The following PUDP variants were observed in gnomAD, a reference collection of about 807,000 sequenced individuals.
PUDP encodes the protein pseudouridine-5'-phosphatase.
PUDP carries 8 observed loss-of-function variants against 9.4 expected under a neutral mutation model. The observed-to-expected ratio is 0.85, with a 90% CI of 0.50 to 1.53. PUDP has a LOEUF of 1.53. Ranked by LOEUF, PUDP falls within the 40% of genes most tolerant of loss-of-function variation. PUDP has a pLI of 0.00. For missense variants in PUDP, 188 were observed against 189.7 expected (o/e 0.99, Z 0.05); for synonymous variants, 99 against 80.7 (o/e 1.23, Z -1.22).
chrX:6,761,635 A>G (rs1473456531), intron 3 of PUDP, among the ~76,000 whole-genome samples: 1 of 111,918 alleles, frequency 8.9e-6, no homozygotes, highest in African/African-American at 3.3e-5. Context: ...TAGATACAGA[A>G]TGTTGAAAAA....
chrX:7,111,832 C>T (rs1932059408), intron 1 of PUDP, among the ~76,000 whole-genome samples: 1 of 111,434 alleles, frequency 9.0e-6, no homozygotes, highest in South Asian at 3.7e-4. Context: ...AGAATTACCT[C>T]TGAGCATCAA....
chrX:6,718,078 G>A (rs899523480), intron 1 of PUDP, among the ~76,000 whole-genome samples: 1 of 109,458 alleles, frequency 9.1e-6, no homozygotes, highest in Non-Finnish European at 1.9e-5. Context: ...TGAGTTTCTT[G>A]TAGATTCTGG....
chrX:6,849,110 G>A (rs1413482456), intron 3 of PUDP, among the ~76,000 whole-genome samples: 1 of 111,758 alleles, frequency 8.9e-6, no homozygotes, highest in Non-Finnish European at 1.9e-5. Flanking sequence ...GAAGTATGTG[G>A]GGTGGTAGAC....
At chrX:7,074,193 G>A (rs1317421956) in intron 3 of PUDP, among the ~76,000 whole-genome samples, 1 of 112,544 alleles carries the variant, frequency 8.9e-6, no homozygotes, top group Non-Finnish European at 1.9e-5. Context: ...CAAAGTGCTG[G>A]GATTACAGGT....
chrX:6,827,457 G>A (rs1052201799), intron 3 of PUDP, among the ~76,000 whole-genome samples: 1 of 111,569 alleles, frequency 9.0e-6, no homozygotes, highest in Non-Finnish European at 1.9e-5. Context: ...GTATGTAAAT[G>A]GAGAGGATGA....
intron 1 of PUDP, among the ~76,000 whole-genome samples, chrX:6,996,867 C>T (rs1364432754): frequency 3.7e-5 from 4 of 108,447 alleles, no homozygotes; most frequent in East Asian, 5.8e-4. Flanking sequence ...CAGGGTTTCA[C>T]CTTGTTGGCC....
intron 1 of PUDP, among the ~76,000 whole-genome samples, chrX:7,119,111 A>T (rs1188082685): frequency 8.9e-6 from 1 of 112,215 alleles, no homozygotes; most frequent in Non-Finnish European, 1.9e-5. Flanking sequence ...TTATCTAAGA[A>T]ATGTCCTCTC....
intron 3 of PUDP, among the ~76,000 whole-genome samples, chrX:6,941,795 C>T (rs748345615): frequency 2.7e-5 from 3 of 111,832 alleles, no homozygotes; most frequent in African/African-American, 9.7e-5. Context: ...ATAATTACCA[C>T]GATCAAGCTA....
At chrX:6,728,104 TG>T (rs1399984616) in intron 3 of PUDP, among the ~76,000 whole-genome samples, 2 of 111,043 alleles carry the variant, frequency 1.8e-5, no homozygotes, top group Non-Finnish European at 3.8e-5. Flanking sequence ...GCAAAAGGCA[TG>T]TGTTACATGG....
intron 1 of PUDP, among the ~76,000 whole-genome samples, chrX:7,018,135 T>A (rs1198740421): frequency 4.5e-5 from 5 of 111,643 alleles, no homozygotes; most frequent in Admixed American, 9.5e-5. Flanking sequence ...GAAATAACCA[T>A]AAAATGGGCA....
At chrX:6,869,857 T>C (rs1371333784) in intron 3 of PUDP, among the ~76,000 whole-genome samples, 1 of 111,352 alleles carries the variant, frequency 9.0e-6, no homozygotes, top group Non-Finnish European at 1.9e-5. Flanking sequence ...TTGAAATTCC[T>C]CTAAAAATTA....
intron 1 of PUDP, among the ~76,000 whole-genome samples, chrX:7,114,386 C>T (rs1932139625): frequency 9.0e-6 from 1 of 111,402 alleles, no homozygotes; most frequent in African/African-American, 3.3e-5. Flanking sequence ...CAGCCTCCTC[C>T]TCTTCTTACA....
chrX:7,059,862 G>A (rs748443572), intron 3 of PUDP, among the ~76,000 whole-genome samples: 1 of 112,246 alleles, frequency 8.9e-6, no homozygotes, highest in African/African-American at 3.2e-5. Flanking sequence ...GCCTGTGTGA[G>A]TGATTTTTCC....
At chrX:7,071,393 A>G (rs998471873) in intron 3 of PUDP, among the ~76,000 whole-genome samples, 1 of 111,390 alleles carries the variant, frequency 9.0e-6, no homozygotes, top group Non-Finnish European at 1.9e-5. Flanking sequence ...TAAAACACAG[A>G]CATGGCCAAT....
intron 1 of PUDP, among the ~76,000 whole-genome samples, chrX:7,035,296 T>C (rs181098896): frequency 8.9e-6 from 1 of 112,040 alleles, no homozygotes; most frequent in Non-Finnish European, 1.9e-5. Context: ...AATATATACA[T>C]AGTCTGCAAA....
chrX:6,720,154 GTA>G (rs1264564564), intron 1 of PUDP, among the ~76,000 whole-genome samples: 3 of 99,982 alleles, frequency 3.0e-5, no homozygotes, highest in Admixed American at 1.1e-4. Flanking sequence ...ATATATGTGT[GTA>G]TATATATGTG....
chrX:6,936,980 G>C (rs1301682814), intron 3 of PUDP, among the ~76,000 whole-genome samples: 7 of 92,782 alleles, frequency 7.5e-5, no homozygotes, highest in Middle Eastern at 5.7e-3. Flanking sequence ...GGAAATAAAA[G>C]AGGATACAAA....
intron 1 of PUDP, among the ~76,000 whole-genome samples, chrX:7,136,127 C>T (rs1932735792): frequency 8.9e-6 from 1 of 111,756 alleles, no homozygotes; most frequent in Admixed American, 9.5e-5. Context: ...GGACCCAGTC[C>T]AGGTACCTGG....
chrX:7,108,023 G>A (rs2146900891), intron 1 of PUDP, among the ~76,000 whole-genome samples: 1 of 112,425 alleles, frequency 8.9e-6, no homozygotes, highest in East Asian at 2.8e-4. Flanking sequence ...CACAGAAGGT[G>A]AATGGTCATC....
Sources: allele counts gnomAD v4.1 joint callset (sites outside exome capture counted in the v4.1 genomes callset), GRCh38; gene constraint gnomAD v4.1.1; transcripts MANE v1.5; gene names NCBI Gene and HGNC (gene_info 2026-07-23, HGNC 2026-07-21).